BCO2: variants seen among roughly 807,000 people sequenced by gnomAD.
BCO2 encodes the protein carotenoid-cleaving dioxygenase, mitochondrial.
Under a neutral mutation model 65.8 loss-of-function variants are expected in BCO2, and 56 were observed. That is an observed-to-expected ratio of 0.85 (90% CI 0.69 to 1.06). The LOEUF is 1.06. BCO2 is among the 50% of genes least tolerant of loss of function. The probability of loss-of-function intolerance (pLI) is 0.00; values close to 1 mark genes in which losing one functional copy is unlikely to be tolerated. For missense variants in BCO2, 675 were observed against 698.5 expected, an observed-to-expected ratio of 0.97 and a Z score of 0.38; for synonymous variants, 233 against 242.3, an observed-to-expected ratio of 0.96 and a Z score of 0.36.
At chr11:112,187,400 C>T (rs1211117831) in intron 2 of BCO2, among the ~76,000 whole-genome samples, 1 of 151,604 alleles carries the variant, frequency 6.6e-6, no homozygotes, top group African/African-American at 2.4e-5. Context: ...ATCATACAAC[C>T]TTGCTGATTG....
chr11:112,176,522 G>T (rs536775800), intron 1 of BCO2: 3 of 137,130 alleles, frequency 2.2e-5, no homozygotes, highest in African/African-American at 8.1e-5. Context: ...ATTGGCGGGG[G>T]GGGGGGAATT....
At chr11:112,185,099 A>G in intron 2 of BCO2, among the ~76,000 whole-genome samples, 1 of 152,212 alleles carries the variant, frequency 6.6e-6, no homozygotes, top group Non-Finnish European at 1.5e-5. Flanking sequence ...TGTATTGAGA[A>G]ATAATCTATT....
At chr11:112,198,255 C>T (rs556501377) in intron 5 of BCO2, among the ~76,000 whole-genome samples, 35 of 151,800 alleles carry the variant, frequency 2.3e-4, no homozygotes, top group Non-Finnish European at 3.8e-4. Flanking sequence ...ACCAGGAGTT[C>T]GAGGCTGCAA....
At chr11:112,216,072 A>T in intron 10 of BCO2, 148 bp from the exon 11 acceptor site, 1 of 632,558 alleles carries the variant, frequency 1.6e-6, no homozygotes, top group South Asian at 1.8e-5. Context: ...CACCTTCAGC[A>T]CTGGGCTCAG....
Position 112,200,693 on chromosome 11 carries a change from G to A in BCO2, c.946G>A (p.Gly316Arg), listed in dbSNP as rs143189473. 1.2e-6 allele frequency: 2 copies of A among 1,613,700 alleles called. No homozygotes were observed. Among genetic ancestry groups the A allele is most frequent in the African/African-American group, 1.3e-5 (1 of 74,852 alleles). Residue 316 changes from glycine (G) to arginine (R), a missense_variant, in exon 7 of 12, where the codon GGA becomes AGA. Gly to Arg is a moderately radical substitution (Grantham distance 125). Transcript: ENST00000357685. ...LWKIATSKIRGKAFSDGISWE... is the reference protein window; with the variant it reads ...LWKIATSKIRRKAFSDGISWE... ...GAAAATTGCCACTTCTAAAATTCGG[G>A]GAAAGGCCTTTTCAGATGGGATAAG...
chr11:112,175,959 G>T (rs1592828171), intron 1 of BCO2: 1 of 340,222 alleles, frequency 2.9e-6, no homozygotes. Context: ...TTTGGGATTT[G>T]CAATAAGAAG....
chr11:112,186,545 A>G (rs1213655325), intron 2 of BCO2, among the ~76,000 whole-genome samples: 2 of 152,212 alleles, frequency 1.3e-5, no homozygotes, highest in Admixed American at 1.3e-4. Context: ...ATGGATAAGA[A>G]TAGCCCTGCT....
chr11:112,190,710 G>A (rs1867352750), intron 2 of BCO2, among the ~76,000 whole-genome samples: 1 of 151,806 alleles, frequency 6.6e-6, no homozygotes, highest in Non-Finnish European at 1.5e-5. Context: ...CAAAAAATTA[G>A]CTGGGTGTGG....
intron 2 of BCO2, among the ~76,000 whole-genome samples, chr11:112,189,532 A>C (rs1203737283): frequency 6.6e-6 from 1 of 151,922 alleles, no homozygotes; most frequent in Admixed American, 6.6e-5. Context: ...CAGCCTCCCA[A>C]GTAGCTGGGA....
chr11:112,197,560 A>G (rs945885647), intron 5 of BCO2, among the ~76,000 whole-genome samples: 5 of 151,422 alleles, frequency 3.3e-5, no homozygotes, highest in South Asian at 2.1e-4. Context: ...AAAAAAAAAA[A>G]AAGAAGTAAT....
chr11:112,190,787 C>A (rs1321472915), intron 2 of BCO2, among the ~76,000 whole-genome samples: 2 of 145,140 alleles, frequency 1.4e-5, no homozygotes, highest in Non-Finnish European at 3.0e-5. Context: ...ACCCGGGAGG[C>A]AGAGGTTGCA....
At chr11:112,203,114 G>A (rs1867778066) in intron 8 of BCO2, among the ~76,000 whole-genome samples, 2 of 150,478 alleles carry the variant, frequency 1.3e-5, no homozygotes, top group East Asian at 1.9e-4. Flanking sequence ...AAGCACCAAA[G>A]TTTGCTAGAA....
chr11:112,179,406 T>TGGGGACATTTTCCTAGAGCA lies in BCO2; in HGVS notation c.232_233insGAGCAGGGGACATTTTCCTA (p.Lys78ArgfsTer49), dbSNP rs779786245. On this transcript the variant is annotated frameshift_variant, in exon 2 of 12. Transcript: ENST00000357685. LOFTEE classifies it high-confidence loss of function. Reference sequence around the variant, plus strand: ...TCCACGGGGCATCTCTGCTCGAGTCTGGGGACATTTTCCTAAGTGGCTCAA... The same window carrying TGGGGACATTTTCCTAGAGCA: ...TCCACGGGGCATCTCTGCTCGAGTCTGGGGACATTTTCCTAGAGCAGGGGACATTTTCCTAAGTGGCTCAA... 1.9e-5 allele frequency: 30 copies of TGGGGACATTTTCCTAGAGCA among 1,614,186 alleles called. No homozygotes were observed. The East Asian group carries it at 6.0e-4, about 32-fold the overall frequency.
intron 4 of BCO2, 56 bp from the exon 5 acceptor site, chr11:112,194,597 A>T (rs547039033): frequency 1.0e-6 from 1 of 982,282 alleles, no homozygotes; most frequent in South Asian, 1.4e-5. Flanking sequence ...TCTACTATTT[A>T]TGCATGTGAA....
At chr11:112,210,621 G>A (rs1309050820) in intron 8 of BCO2, among the ~76,000 whole-genome samples, 2 of 152,140 alleles carry the variant, frequency 1.3e-5, no homozygotes, top group Non-Finnish European at 2.9e-5. Flanking sequence ...TAAGGGGTAA[G>A]TGAGTTGCTA....
At chr11:112,175,754 G>C (rs1290508225) in intron 1 of BCO2, 65 bp downstream of exon 1, 2 of 1,414,590 alleles carry the variant, frequency 1.4e-6, no homozygotes. Flanking sequence ...TTAGAATTCT[G>C]TGCCTCTTTC....
intron 10 of BCO2, 188 bp downstream of exon 10, chr11:112,215,132 C>G: frequency 6.7e-6 from 4 of 594,480 alleles, no homozygotes; most frequent in Non-Finnish European, 1.2e-5. Context: ...CAAATTGACC[C>G]CAGGCCCAGC....
chr11:112,217,232 G>A (rs950731016), intron 11 of BCO2, among the ~76,000 whole-genome samples: 2 of 152,208 alleles, frequency 1.3e-5, no homozygotes, highest in African/African-American at 4.8e-5. Flanking sequence ...CTTTAGCCAT[G>A]ATATCCTTTC....
At chr11:112,192,983 T>C (rs1483462559) in intron 2 of BCO2, among the ~76,000 whole-genome samples, 4 of 133,314 alleles carry the variant, frequency 3.0e-5, no homozygotes, top group Non-Finnish European at 1.6e-5. Flanking sequence ...TTATTCTTTT[T>C]TTTTTTTTTT....
Sources: allele counts gnomAD v4.1 joint callset (sites outside exome capture counted in the v4.1 genomes callset), GRCh38; gene constraint gnomAD v4.1.1; transcripts MANE v1.5; gene names NCBI Gene and HGNC (gene_info 2026-07-23, HGNC 2026-07-21).